Variants in AP5B1 observed in about 807,000 individuals in gnomAD.
AP5B1 encodes AP-5 complex subunit beta-1.
In AP5B1, 3 loss-of-function variants were observed where a neutral mutation model predicts 5.7. That is an observed-to-expected ratio of 0.53 (90% CI 0.24 to 1.36). The LOEUF (loss-of-function observed/expected upper bound fraction) is 1.36. Among genes scored for constraint, AP5B1 ranks in the 40% most tolerant of loss-of-function variants. The pLI is 0.17. For missense variants in AP5B1, 1,310 were observed against 1,143.2 expected, an observed-to-expected ratio of 1.15 and a Z score of -2.10; for synonymous variants, 696 against 555.5, an observed-to-expected ratio of 1.25 and a Z score of -3.56.
chr11:65,780,374 A>C, intron 1 of AP5B1, 32 bp from the exon 2 acceptor site: 1 of 1,460,112 alleles, frequency 6.8e-7, no homozygotes, highest in Non-Finnish European at 9.0e-7. Context: ...AATCACGAAG[A>C]TGAGGTTCAT....
rs745969436 is a variant in AP5B1 at position 65,778,667 on chromosome 11, C to T, written c.1826G>A (p.Arg609His). The T allele has an allele frequency of 9.6e-6, 15 of 1,564,606 alleles. No individual in the cohort carries two copies. The highest frequency in any genetic ancestry group is 1.4e-5 in the African/African-American group (1 of 73,914). The change falls in exon 2 of 2, where the codon CGT becomes CAT. Residue 609 changes from arginine to histidine, a missense_variant. Coordinates refer to ENST00000532090, the MANE Select transcript of AP5B1 (RefSeq NM_138368.5). ...GATGTAGTAGAGGCGGGCGTGGTCA[C>T]GCCCATCAGGGTCCTCCAGCTGCCT... ...LARQLEDPDG[R>H]DHARLYYILL...
At position 65,774,871 on chromosome 11, in the gene AP5B1, C is replaced by T. The variant is rs1234800450; in HGVS notation, c.*2985G>A. On this transcript the variant is annotated 3_prime_UTR_variant, in exon 2 of 2. Coordinates refer to ENST00000532090, the MANE Select transcript of AP5B1 (RefSeq NM_138368.5). ...TCTTTAGGAAGAATTTTTGGTTGTA[C>T]TTGGGACAGTTACAGGCATGCTGCT... Among the ~76,000 whole-genome samples the T allele has an allele frequency of 6.6e-6, 1 of 152,156 alleles. No individual in the cohort carries two copies. The highest frequency in any genetic ancestry group is 1.5e-5 in the Non-Finnish European group (1 of 68,020).
chr11:65,778,008 A>C lies in AP5B1; in HGVS notation c.2485T>G (p.Cys829Gly), dbSNP rs1203809792. Residue 829 changes from cysteine to glycine, a missense_variant, in exon 2 of 2, where the codon TGT (cysteine) becomes GGT (glycine). Cys to Gly is a radical substitution (Grantham distance 159). Transcript: ENST00000532090. ...VVVAQPPTSY[C>G]VAIHLPPDSK... ...TCCGGGGGCAGGTGGATTGCTACAC[A>C]GTAGCTGGTAGGAGGCTGGGCCACC... is the stretch of plus-strand genomic sequence containing the variant. The C allele has an allele frequency of 6.2e-7, 1 of 1,612,244 alleles. No individual in the cohort carries two copies. Among genetic ancestry groups the C allele is most frequent in the Non-Finnish European group, 8.5e-7 (1 of 1,179,710 alleles).
In AP5B1 at chr11:65,775,303, C is replaced by T. The variant is rs1309001393; in HGVS notation, c.*2553G>A. On this transcript the variant is annotated 3_prime_UTR_variant, in exon 2 of 2. Coordinates refer to ENST00000532090, the MANE Select transcript of AP5B1 (RefSeq NM_138368.5). ...GCAGACAGATGGGTGAAAGGATGGT[C>T]AGTCCTTACATGGACCAGTTTCCTT... is the stretch of plus-strand genomic sequence containing the variant. Among the ~76,000 whole-genome samples, 1 of 152,162 alleles carries T rather than the reference C, an allele frequency of 6.6e-6. No individual in the cohort carries two copies. Among genetic ancestry groups the T allele is most frequent in the Non-Finnish European group, 1.5e-5 (1 of 68,040 alleles).
rs1477712118 is a variant in AP5B1, at chr11:65,778,867, T to G, written c.1626A>C (p.Gln542His). Residue 542 changes from glutamine to histidine, a missense_variant, in exon 2 of 2, where the codon CAA becomes CAC. Gln to His is a conservative substitution (Grantham distance 24, BLOSUM62 0). Coordinates refer to ENST00000532090, the MANE Select transcript of AP5B1 (RefSeq NM_138368.5). ...CTCCATCTGCCACCTTTGCCAGCAT[T>G]TGCAGGTGCCAGCAAAGAGCTTCAT... is the stretch of plus-strand genomic sequence containing the variant. ...GRDEALCWHL[Q>H]MLAKVADGDA... The G allele has an allele frequency of 1.2e-6, 2 of 1,609,586 alleles. No homozygotes were observed. The highest frequency in any genetic ancestry group is 2.7e-5 in the African/African-American group (2 of 74,886).
Position 65,779,406 on chromosome 11 carries a change from G to A in AP5B1, c.1087C>T (p.Pro363Ser). 4 of 1,605,580 alleles carry A rather than the reference G, an allele frequency of 2.5e-6. No individual in the cohort carries two copies. The highest frequency in any genetic ancestry group is 3.4e-6 in the Non-Finnish European group (4 of 1,175,842). The change falls in exon 2 of 2, where the codon CCC becomes TCC. Residue 363 changes from proline (P) to serine (S), a missense_variant. Transcript: ENST00000532090. ...CAGTGAAGGTAAAAGAGATGGGTGG[G>A]CGGAGGCAGAGCAGGGTGCTGGGCA... is the stretch of plus-strand genomic sequence containing the variant. ...LAAQHPALPP[P>S]THLFYLHCVL...
Position 65,777,827 on chromosome 11 carries a change from A to C in AP5B1, c.*29T>G. 6.8e-7 allele frequency: 1 copy of C among 1,476,266 alleles called. No individual in the cohort carries two copies. The allele number at this position is 1,476,266 out of a possible 1,614,324, so 91.4% of individuals were successfully genotyped here. ...GTGCCTTGGCCCCCACAAGGGCCAC[A>C]GTCCTGCCCCCACCTGGTCTCCCGG... On this transcript the variant is annotated 3_prime_UTR_variant, in exon 2 of 2. Transcript: ENST00000532090.
Position 65,780,196 on chromosome 11 carries a change from C to T in AP5B1, c.297G>A (p.Ala99=). ...CGCCCGCCGCCAGGGCAGTGGTGGC[C>T]GCCAGCAGCAGTGGCCGACGGAGAG... The part of the protein sequence containing the change: ...PSALRRPLLL[A]ATTALAAGGA... The change falls in exon 2 of 2, where the codon GCG becomes GCA. Residue 99 remains alanine, a synonymous_variant. Coordinates refer to ENST00000532090, the MANE Select transcript of AP5B1 (RefSeq NM_138368.5). The T allele has an allele frequency of 6.7e-7, 1 of 1,498,272 alleles. No individual in the cohort carries two copies. The highest frequency in any genetic ancestry group is 8.9e-7 in the Non-Finnish European group (1 of 1,126,742). The allele number at this position is 1,498,272 out of a possible 1,614,324, so 92.8% of individuals were successfully genotyped here.
rs1047257733 is a variant in AP5B1 at position 65,779,055 on chromosome 11, G to T, written c.1438C>A (p.Pro480Thr). 9 of 1,607,292 alleles carry T rather than the reference G, an allele frequency of 5.6e-6. No homozygotes were observed. In the East Asian group the frequency reaches 6.7e-5, roughly 12 times the overall value. ...TGGATCAAGGGGGTCAGCACCGTAG[G>T]TTGCCCAGCCAGGCAGCAGGCCACC... ...YLVACCLAGQ[P>T]TVLTPLIHGL... is the part of the protein sequence containing the mutation. The change falls in exon 2 of 2, where the codon CCT (proline) becomes ACT (threonine). Residue 480 changes from proline (P) to threonine (T), a missense_variant. Transcript: ENST00000532090.
In AP5B1 at chr11:65,778,920, G is replaced by C. The variant is rs368313245; in HGVS notation, c.1573C>G (p.Gln525Glu). ...CTGCCCGGCCTGGACACCACCACCT[G>C]CCGCAACACCACCTTCAGGGGCTCC... ...LREPLKVVLR[Q>E]VVVSRPGRDE... is the part of the protein sequence containing the mutation. Residue 525 changes from glutamine to glutamate, a missense_variant, in exon 2 of 2, where the codon CAG (glutamine) becomes GAG (glutamate). Coordinates refer to ENST00000532090, the MANE Select transcript of AP5B1 (RefSeq NM_138368.5). The C allele has an allele frequency of 1.7e-5, 27 of 1,612,690 alleles. No homozygotes were observed. Among genetic ancestry groups the C allele is most frequent in the Non-Finnish European group, 1.8e-5 (21 of 1,179,732 alleles).
Position 65,775,494 on chromosome 11 carries a change from C to G in AP5B1, c.*2362G>C, listed in dbSNP as rs1016512134. On this transcript the variant is annotated 3_prime_UTR_variant, in exon 2 of 2. Coordinates refer to ENST00000532090, the MANE Select transcript of AP5B1 (RefSeq NM_138368.5). ...AAGGAAGTTTGCTCTGCGGGCCCAG[C>G]CTTGGAGATGTTCAGTCCTTCTGCA... is the stretch of plus-strand genomic sequence containing the variant. 6.6e-6 allele frequency among the ~76,000 whole-genome samples: 1 copy of G among 152,206 alleles called. No individual in the cohort carries two copies. Among genetic ancestry groups the G allele is most frequent in the Non-Finnish European group, 1.5e-5 (1 of 68,042 alleles).
chr11:65,774,505 G>A lies in AP5B1; in HGVS notation c.*3351C>T, dbSNP rs1209247060. ...CAGTTCACTGCAACCTCCACCTCCC[G>A]GGTTCAAGCGATTCTCCTGCCTCAG... On this transcript the variant is annotated 3_prime_UTR_variant, in exon 2 of 2. Transcript: ENST00000532090. 3.3e-5 allele frequency among the ~76,000 whole-genome samples: 5 copies of A among 152,050 alleles called. No homozygotes were observed. In the East Asian group the frequency reaches 5.8e-4, roughly 18 times the overall value.
In AP5B1 at chr11:65,780,961, C is replaced by A. The variant is rs550864645; in HGVS notation, c.-370G>T. Among the ~76,000 whole-genome samples the A allele has an allele frequency of 6.7e-6, 1 of 148,960 alleles. No homozygotes were observed. The highest frequency in any genetic ancestry group is 1.5e-5 in the Non-Finnish European group (1 of 66,880). On this transcript the variant is annotated 5_prime_UTR_variant, in exon 1 of 2. Transcript: ENST00000532090. ...AGCCGCCGCGGGCACTCAGGCCGGC[C>A]GGCTCCTTCCGGGCTGGCGGCGCGG... is the stretch of plus-strand genomic sequence containing the variant.
In AP5B1 at chr11:65,778,354, G is replaced by A. The variant is rs1019461333; in HGVS notation, c.2139C>T (p.Pro713=). 5 of 1,610,570 alleles carry A rather than the reference G, an allele frequency of 3.1e-6. No homozygotes were observed. Among genetic ancestry groups the A allele is most frequent in the South Asian group, 1.1e-5 (1 of 90,898 alleles). ...GGGCAGGGCGGCCAGGACACAGGCA[G>A]GGCACATGGACAGCCTCCAGGGGTG... ...LYAPLEAVHV[P]CLCPGRPARP... The change falls in exon 2 of 2, where the codon CCC becomes CCT. Residue 713 remains proline, a synonymous_variant. Transcript: ENST00000532090.
Position 65,779,443 on chromosome 11 carries a change from C to G in AP5B1, c.1050G>C (p.Arg350=). 6.2e-7 allele frequency: 1 copy of G among 1,606,960 alleles called. No individual in the cohort carries two copies. Among genetic ancestry groups the G allele is most frequent in the Admixed American group, 1.7e-5 (1 of 58,922 alleles). ...CAGGGTGCTGGGCAGCCAAGGTGAG[C>G]CGGCGGAGCAGCAACGCTTCATCCT... The part of the protein sequence containing the change: ...TAQDEALLLR[R]LTLAAQHPAL... The change falls in exon 2 of 2, where the codon CGG becomes CGC. Residue 350 remains arginine (R), a synonymous_variant. Coordinates refer to ENST00000532090, the MANE Select transcript of AP5B1 (RefSeq NM_138368.5).
Position 65,779,897 on chromosome 11 carries a change from A to T in AP5B1, c.596T>A (p.Leu199His). The T allele has an allele frequency of 6.3e-7, 1 of 1,594,214 alleles. No homozygotes were observed. The change falls in exon 2 of 2, where the codon CTC (leucine) becomes CAC (histidine). Residue 199 changes from leucine to histidine, a missense_variant. By Grantham distance (99) the Leu-to-His change is moderately conservative. Coordinates refer to ENST00000532090, the MANE Select transcript of AP5B1 (RefSeq NM_138368.5). ...CAGGCCAGCCCCAACCCGGGACTGG[A>T]GCACCAAGGTGTTGCGCAAAGCGAG... ...LALALRNTLVLQSRVGAGLGG... is the reference protein window; with the variant it reads ...LALALRNTLVHQSRVGAGLGG...
In AP5B1 at chr11:65,780,543, G is replaced by A. The variant is rs1303259894; in HGVS notation, c.49C>T (p.Arg17Trp). 3.3e-6 allele frequency: 5 copies of A among 1,509,200 alleles called. No individual in the cohort carries two copies. The highest frequency in any genetic ancestry group is 5.4e-5 in the East Asian group (2 of 37,198). 93.5% of individuals were successfully genotyped at this position (1,509,200 alleles called of 1,614,324 possible). A position where few individuals can be genotyped will look rare whatever the true frequency, so the allele number is the denominator to read the frequency against. Residue 17 changes from arginine (R) to tryptophan (W), a missense_variant, in exon 1 of 2, where the codon CGG (arginine) becomes TGG (tryptophan). Coordinates refer to ENST00000532090, the MANE Select transcript of AP5B1 (RefSeq NM_138368.5). Reference sequence around the variant, plus strand: ...GCCATGAAGGCAGACGGGCTGGCCCGGAAGGCCCCCAAGCGCTGGGCCCAG... The same window carrying A: ...GCCATGAAGGCAGACGGGCTGGCCCAGAAGGCCCCCAAGCGCTGGGCCCAG... The part of the protein sequence containing the change: ...DAWAQRLGAF[R>W]ASPSAFMAGP...
rs494003 is a variant in AP5B1 at position 65,774,827 on chromosome 11, G to A, written c.*3029C>T. Among the ~76,000 whole-genome samples the A allele has an allele frequency of 0.19, 28,523 of 152,170 alleles. 2,855 individuals carry two copies. Among genetic ancestry groups the A allele is most frequent in the African/African-American group, 0.24 (9,825 of 41,480 alleles). ...TCCACACAGGTGGACAAGGTGACCC[G>A]TGTGACTTTGGTTCCCTCTCTTTAG... On this transcript the variant is annotated 3_prime_UTR_variant, in exon 2 of 2. Transcript: ENST00000532090.
At position 65,779,293 on chromosome 11, in the gene AP5B1, A is replaced by G; in HGVS notation, c.1200T>C (p.Gly400=). Residue 400 remains glycine, a synonymous_variant, in exon 2 of 2, where the codon GGT becomes GGC. Coordinates refer to ENST00000532090, the MANE Select transcript of AP5B1 (RefSeq NM_138368.5). ...PLLLGPQLCR[G]LLPSLLHDPM... The stretch of plus-strand genomic sequence containing the variant: ...GGTCATGCAGGAGACTGGGCAGGAG[A>G]CCACGGCATAGCTGGGGCCCTAGCA... 3.8e-6 allele frequency: 6 copies of G among 1,598,764 alleles called. No individual in the cohort carries two copies. Among genetic ancestry groups the G allele is most frequent in the Non-Finnish European group, 5.1e-6 (6 of 1,172,044 alleles).
Sources: gnomAD v4.1 joint callset for allele counts (sites outside exome capture counted in the v4.1 genomes callset) on GRCh38, gnomAD v4.1.1 for gene constraint, MANE v1.5 for transcripts, NCBI Gene and HGNC (gene_info 2026-07-23, HGNC 2026-07-21) for gene names.